Variants in GSN observed in about 807,000 individuals in gnomAD.
GSN encodes actin-depolymerizing factor.
In GSN, 56 loss-of-function variants were observed where a neutral mutation model predicts 85.7. The ratio of observed to expected loss-of-function variants is 0.65; its 90% confidence interval spans 0.53 to 0.82. The LOEUF (loss-of-function observed/expected upper bound fraction) is 0.82. GSN is among the 40% of genes least tolerant of loss of function. GSN has a pLI of 0.00. For missense variants in GSN, 857 were observed against 979.8 expected (o/e 0.87, Z 1.67); for synonymous variants, 373 against 399.1 (o/e 0.93, Z 0.78).
At chr9:121,204,857 A>C (rs546396018), upstream of GSN, among the ~76,000 whole-genome samples, 41 of 152,364 alleles carry the variant, frequency 2.7e-4, no homozygotes, top group Middle Eastern at 3.4e-3. Context: ...CTTGGAGGGA[A>C]AAAAGCAAGG....
At chr9:121,285,852 A>G (rs2058004919) in intron 2 of GSN, among the ~76,000 whole-genome samples, 1 of 152,224 alleles carries the variant, frequency 6.6e-6, no homozygotes, top group Non-Finnish European at 1.5e-5. Flanking sequence ...CCTCCTCTCC[A>G]CAAAGCATAC....
chr9:121,325,971 C>T (rs572733774), intron 12 of GSN, among the ~76,000 whole-genome samples: 2 of 151,906 alleles, frequency 1.3e-5, no homozygotes, highest in East Asian at 1.9e-4. Flanking sequence ...CATAGTTAGC[C>T]GGGGCCACGG....
intron 2 of GSN, among the ~76,000 whole-genome samples, chr9:121,297,603 G>A (rs2059341353): frequency 6.6e-6 from 1 of 152,168 alleles, no homozygotes; most frequent in Admixed American, 6.5e-5. Flanking sequence ...GAGAAGAGGA[G>A]ATATACTATA....
intron 12 of GSN, among the ~76,000 whole-genome samples, chr9:121,324,936 C>T (rs2062973006): frequency 6.6e-6 from 1 of 152,170 alleles, no homozygotes; most frequent in South Asian, 2.1e-4. Context: ...ACACCAATGG[C>T]TATGACAGAT....
At chr9:121,314,048 C>T in intron 7 of GSN, 25 bp downstream of exon 7, 1 of 1,566,108 alleles carries the variant, frequency 6.4e-7, no homozygotes, top group Non-Finnish European at 8.8e-7. Flanking sequence ...CACTGTCTGC[C>T]TGGGCATGGG....
intron 2 of GSN, among the ~76,000 whole-genome samples, chr9:121,294,737 T>C (rs1458184932): frequency 6.6e-6 from 1 of 152,212 alleles, no homozygotes; most frequent in Non-Finnish European, 1.5e-5. Context: ...AGTTCTGGCC[T>C]GGTTGTTGAG....
chr9:121,320,206 G>A (rs573530818), intron 10 of GSN, among the ~76,000 whole-genome samples: 2 of 152,294 alleles, frequency 1.3e-5, no homozygotes, highest in East Asian at 3.9e-4. Context: ...GGACGACTCC[G>A]TGTCTCCATA....
intron 4 of GSN, among the ~76,000 whole-genome samples, chr9:121,216,997 C>A (rs2132093737): frequency 6.6e-6 from 1 of 152,158 alleles, no homozygotes; most frequent in Admixed American, 6.5e-5. Flanking sequence ...TTTTTTAGTT[C>A]TGGGTTTTGT....
rs747465508 is a variant in GSN, at chr9:121,302,004, A to AG, written c.36dup (p.Lys13GlufsTer48). On this transcript the variant is annotated frameshift_variant, in exon 3 of 18. Coordinates refer to ENST00000432226, the MANE Select transcript of GSN (RefSeq NM_198252.3). LOFTEE classifies it high-confidence loss of function. ...TGGAACACCCCGAGTTCCTCAAGGCAGGGAAGGAGCCTGGCCTGCAGATCT... is the reference window on the plus strand; with the variant it reads ...TGGAACACCCCGAGTTCCTCAAGGCAGGGGAAGGAGCCTGGCCTGCAGATCT... 1 of 1,614,230 alleles carries AG rather than the reference A, an allele frequency of 6.2e-7. No individual in the cohort carries two copies. The highest frequency in any genetic ancestry group is 2.2e-5 in the East Asian group (1 of 44,886).
chr9:121,273,367 G>A (rs1275883529), intron 1 of GSN, among the ~76,000 whole-genome samples: 1 of 152,124 alleles, frequency 6.6e-6, no homozygotes, highest in Non-Finnish European at 1.5e-5. Flanking sequence ...GGCTGAGCTG[G>A]GTTTTGGTGG....
At chr9:121,205,530 C>T (rs991843779), upstream of GSN, among the ~76,000 whole-genome samples, 2 of 152,104 alleles carry the variant, frequency 1.3e-5, no homozygotes, top group Non-Finnish European at 2.9e-5. Flanking sequence ...GTGGGGAGAA[C>T]CTTAGATGAA....
chr9:121,310,728 G>T lies in GSN; in HGVS notation c.396G>T (p.Glu132Asp). The change falls in exon 5 of 18, where the codon GAG becomes GAT. Residue 132 changes from glutamate (E) to aspartate (D), a missense_variant. Glu to Asp is a conservative substitution (Grantham distance 45). Transcript: ENST00000432226. ...GATTCAAGCACGTGGTACCCAACGAGGTGGTGGTGCAGAGACTCTTCCAGG... is the reference window on the plus strand; with the variant it reads ...GATTCAAGCACGTGGTACCCAACGATGTGGTGGTGCAGAGACTCTTCCAGG... ...ASGFKHVVPN[E>D]VVVQRLFQVK... 6.2e-7 allele frequency: 1 copy of T among 1,614,208 alleles called. No homozygotes were observed. Among genetic ancestry groups the T allele is most frequent in the South Asian group, 1.1e-5 (1 of 91,084 alleles).
chr9:121,264,885 TACAA>T (rs528262206), upstream of GSN, among the ~76,000 whole-genome samples: 12 of 152,222 alleles, frequency 7.9e-5, no homozygotes, highest in Non-Finnish European at 1.6e-4. Context: ...GAATGTGGAC[TACAA>T]ACAAAGATTC....
intron 2 of GSN, among the ~76,000 whole-genome samples, chr9:121,288,071 CA>C: frequency 7.2e-5 from 11 of 152,118 alleles, no homozygotes; most frequent in African/African-American, 2.7e-4. Flanking sequence ...GGACCACAGG[CA>C]CACACCATCA....
At chr9:121,260,935 C>T (rs1039566952) in intron 6 of GSN, among the ~76,000 whole-genome samples, 5 of 152,172 alleles carry the variant, frequency 3.3e-5, no homozygotes, top group Admixed American at 1.3e-4. Flanking sequence ...AAACTTTAAT[C>T]CAATCATCAG....
At chr9:121,240,983 G>C (rs747065510) in intron 5 of GSN, among the ~76,000 whole-genome samples, 1 of 152,138 alleles carries the variant, frequency 6.6e-6, no homozygotes, top group South Asian at 2.1e-4. Context: ...TTTGCAGATG[G>C]TATAATTCCA....
chr9:121,214,394 A>G (rs560384307), intron 4 of GSN, among the ~76,000 whole-genome samples: 3 of 152,144 alleles, frequency 2.0e-5, no homozygotes, highest in East Asian at 3.9e-4. Context: ...AGGTTCCATA[A>G]TCTTTCTGAG....
intron 1 of GSN, among the ~76,000 whole-genome samples, chr9:121,275,985 C>G (rs778854822): frequency 6.6e-6 from 1 of 152,162 alleles, no homozygotes; most frequent in Non-Finnish European, 1.5e-5. Context: ...TTAGATTTAA[C>G]TGGGCATCTC....
At chr9:121,273,913 G>C (rs1343153156) in intron 1 of GSN, among the ~76,000 whole-genome samples, 1 of 152,118 alleles carries the variant, frequency 6.6e-6, no homozygotes, top group Non-Finnish European at 1.5e-5. Flanking sequence ...ACCAAGACTG[G>C]GGCTCCCCAG....
Sources: gnomAD v4.1 joint callset for allele counts (sites outside exome capture counted in the v4.1 genomes callset) on GRCh38, gnomAD v4.1.1 for gene constraint, MANE v1.5 for transcripts, NCBI Gene and HGNC (gene_info 2026-07-23, HGNC 2026-07-21) for gene names.